Variants in GRM8 observed in about 807,000 individuals in gnomAD.
The protein encoded by GRM8 is metabotropic glutamate receptor 8.
Under a neutral mutation model 87.2 loss-of-function variants are expected in GRM8, and 47 were observed. That is an observed-to-expected ratio of 0.54 (90% CI 0.43 to 0.69). GRM8 has a LOEUF of 0.69. Among genes scored for constraint, GRM8 ranks in the 30% least tolerant of loss-of-function variants. The pLI, the probability that GRM8 is intolerant of heterozygous loss-of-function variation, is 0.00. For synonymous variants in GRM8, 396 were observed against 404.5 expected (o/e 0.98, Z 0.25); for missense variants, 1,019 against 1,139.2 (o/e 0.89, Z 1.52).
intron 2 of GRM8, among the ~76,000 whole-genome samples, chr7:127,169,079 GAA>G (rs369660368): frequency 6.9e-6 from 1 of 144,724 alleles, no homozygotes; most frequent in African/African-American, 2.5e-5. Context: ...AATAAGCCAG[GAA>G]AAAAAAAAGC....
At chr7:126,971,307 C>T (rs1810407876) in intron 3 of GRM8, among the ~76,000 whole-genome samples, 1 of 151,590 alleles carries the variant, frequency 6.6e-6, no homozygotes, top group Admixed American at 6.6e-5. Context: ...TGGGTGGTAA[C>T]AATGTTAAAA....
At chr7:126,479,499 T>C (rs1806403554) in intron 9 of GRM8, among the ~76,000 whole-genome samples, 1 of 152,102 alleles carries the variant, frequency 6.6e-6, no homozygotes, top group African/African-American at 2.4e-5. Context: ...ATTGCCTTCT[T>C]TCATGTAGCA....
At chr7:126,753,207 T>A (rs1004598756) in intron 7 of GRM8, among the ~76,000 whole-genome samples, 1 of 151,976 alleles carries the variant, frequency 6.6e-6, no homozygotes, top group Non-Finnish European at 1.5e-5. Context: ...GAAGCATATA[T>A]CTAGTTCACC....
chr7:126,802,676 G>A (rs1822851692), intron 6 of GRM8, among the ~76,000 whole-genome samples: 1 of 152,144 alleles, frequency 6.6e-6, no homozygotes, highest in Non-Finnish European at 1.5e-5. Flanking sequence ...TGGCCTTCCA[G>A]AATACTCCAT....
At chr7:126,498,754 G>A (rs953437458) in intron 9 of GRM8, among the ~76,000 whole-genome samples, 6 of 151,914 alleles carry the variant, frequency 3.9e-5, no homozygotes, top group African/African-American at 7.2e-5. Flanking sequence ...GGCAGTACCT[G>A]TAAAAGACAA....
chr7:127,131,251 C>T (rs2133224851), intron 2 of GRM8, among the ~76,000 whole-genome samples: 1 of 152,170 alleles, frequency 6.6e-6, no homozygotes, highest in African/African-American at 2.4e-5. Context: ...AAAACAACTA[C>T]AAAATGAAAT....
intron 8 of GRM8, among the ~76,000 whole-genome samples, chr7:126,556,571 C>T (rs1437951688): frequency 6.6e-6 from 1 of 151,988 alleles, no homozygotes. Flanking sequence ...TGCTTGAACG[C>T]AGGAGGCAGA....
At chr7:126,812,211 G>A (rs1029634204) in intron 6 of GRM8, among the ~76,000 whole-genome samples, 1 of 151,846 alleles carries the variant, frequency 6.6e-6, no homozygotes, top group African/African-American at 2.4e-5. Flanking sequence ...CATATATTAG[G>A]TATTTTAAGC....
chr7:126,881,598 G>A (rs1482743351), intron 6 of GRM8, among the ~76,000 whole-genome samples: 1 of 152,178 alleles, frequency 6.6e-6, no homozygotes, highest in Non-Finnish European at 1.5e-5. Context: ...ATGGCAAATG[G>A]AGAACAATTT....
intron 7 of GRM8, among the ~76,000 whole-genome samples, chr7:126,709,263 T>G (rs1352491294): frequency 2.0e-5 from 3 of 152,044 alleles, no homozygotes; most frequent in Non-Finnish European, 2.9e-5. Flanking sequence ...ATAGCTGCTA[T>G]GAAAAAGACA....
chr7:127,162,540 C>T (rs1793181662), intron 2 of GRM8, among the ~76,000 whole-genome samples: 1 of 152,140 alleles, frequency 6.6e-6, no homozygotes, highest in South Asian at 2.1e-4. Flanking sequence ...CTATAAGGAT[C>T]TCCCCTTCTC....
At chr7:127,071,367 C>T (rs1821667042) in intron 3 of GRM8, among the ~76,000 whole-genome samples, 1 of 152,124 alleles carries the variant, frequency 6.6e-6, no homozygotes, top group African/African-American at 2.4e-5. Context: ...CCTTAATGAA[C>T]TTAAAACTGG....
At chr7:126,834,767 C>T (rs144044630) in intron 6 of GRM8, among the ~76,000 whole-genome samples, 32 of 152,096 alleles carry the variant, frequency 2.1e-4, no homozygotes, top group Non-Finnish European at 2.9e-4. Context: ...ATTTTAAAAA[C>T]GATTATTGTT....
At chr7:126,801,551 T>C (rs1188848944) in intron 6 of GRM8, among the ~76,000 whole-genome samples, 4 of 151,682 alleles carry the variant, frequency 2.6e-5, no homozygotes, top group Admixed American at 6.5e-5. Flanking sequence ...AGTATTACTA[T>C]GTGGCTGGTA....
chr7:126,795,052 T>C (rs982960683), intron 6 of GRM8, among the ~76,000 whole-genome samples: 2 of 152,180 alleles, frequency 1.3e-5, no homozygotes, highest in Non-Finnish European at 2.9e-5. Flanking sequence ...AACAAAATAA[T>C]TCTTGTTTAT....
chr7:126,965,520 T>G (rs1809760797), intron 3 of GRM8, among the ~76,000 whole-genome samples: 1 of 152,148 alleles, frequency 6.6e-6, no homozygotes, highest in Admixed American at 6.5e-5. Context: ...AAAAAGTTTT[T>G]AAAAAGGTTA....
chr7:126,768,357 T>A (rs1381937763), intron 7 of GRM8, among the ~76,000 whole-genome samples: 6 of 53,548 alleles, frequency 1.1e-4, no homozygotes, highest in South Asian at 1.2e-3. Flanking sequence ...TTTGATAATG[T>A]AAAAAAAAAA....
intron 7 of GRM8, among the ~76,000 whole-genome samples, chr7:126,719,102 T>C (rs1009822941): frequency 3.5e-4 from 54 of 152,346 alleles, no homozygotes; most frequent in African/African-American, 1.3e-3. Context: ...AGAAAAATTA[T>C]TAAAGCTCTG....
intron 3 of GRM8, among the ~76,000 whole-genome samples, chr7:127,021,059 G>T (rs1816214897): frequency 6.6e-6 from 1 of 151,960 alleles, no homozygotes. Flanking sequence ...TGCTTACAAG[G>T]AATAACATCT....
Sources: gnomAD v4.1 joint callset for allele counts (sites outside exome capture counted in the v4.1 genomes callset) on GRCh38, gnomAD v4.1.1 for gene constraint, MANE v1.5 for transcripts, NCBI Gene and HGNC (gene_info 2026-07-23, HGNC 2026-07-21) for gene names.